The following MAGI3 variants were observed in gnomAD, a reference collection of about 807,000 sequenced individuals.
MAGI3 encodes membrane associated guanylate kinase, WW and PDZ domain containing 3, also known as membrane-associated guanylate kinase, WW and PDZ domain-containing protein 3.
In MAGI3, 43 loss-of-function variants were observed where a neutral mutation model predicts 121.8. That is an observed-to-expected ratio of 0.35 (90% CI 0.28 to 0.46). MAGI3 has a LOEUF of 0.46. Ranked by LOEUF, MAGI3 falls within the 20% of genes least tolerant of loss-of-function variation. The pLI is 1.00. For synonymous variants in MAGI3, 553 were observed against 639.3 expected, an observed-to-expected ratio of 0.86 and a Z score of 2.04; for missense variants, 1,547 against 1,797.3, an observed-to-expected ratio of 0.86 and a Z score of 2.52.
At position 113,590,557 on chromosome 1, in the gene MAGI3, C is replaced by T; in HGVS notation, c.837C>T (p.Ser279=). 6.2e-7 allele frequency: 1 copy of T among 1,613,750 alleles called. No individual in the cohort carries two copies. The highest frequency in any genetic ancestry group is 8.5e-7 in the Non-Finnish European group (1 of 1,179,712). The stretch of plus-strand genomic sequence containing the variant: ...CAAGTTACAACCAAACAAATAGCTC[C>T]ATGGACTTTAGAAATTATATGATGA... ...TVPSYNQTNS[S]MDFRNYMMRD... is the part of the protein sequence containing the mutation. Residue 279 remains serine, a synonymous_variant, in exon 5 of 21, where the codon TCC becomes TCT. Coordinates refer to ENST00000307546, the MANE Select transcript of MAGI3 (RefSeq NM_001142782.2).
In MAGI3 at chr1:113,683,224, G is replaced by T; in HGVS notation, c.3656G>T (p.Gly1219Val). The T allele has an allele frequency of 1.9e-6, 3 of 1,613,912 alleles. No individual in the cohort carries two copies. The highest frequency in any genetic ancestry group is 2.5e-6 in the Non-Finnish European group (3 of 1,179,888). Residue 1219 changes from glycine (G) to valine (V), a missense_variant, in exon 21 of 21, where the codon GGT becomes GTT. Coordinates refer to ENST00000307546, the MANE Select transcript of MAGI3 (RefSeq NM_001142782.2). ...LKVENGVTRR[G>V]RSVSPKKPAS... ...GTAGAAAATGGTGTTACACGAAGAG[G>T]TAGATCGGTTAGTCCCAAAAAGCCA...
In MAGI3 at chr1:113,535,667, T is replaced by C. The variant is rs150869936; in HGVS notation, c.317-13848T>C. Among the ~76,000 whole-genome samples the C allele has an allele frequency of 7.2e-4, 110 of 152,340 alleles. 2 individuals carry two copies. Among genetic ancestry groups the C allele is most frequent in the African/African-American group, 2.6e-3 (107 of 41,588 alleles). ...TTGCCATAATGCCTTTCAGAAACGT[T>C]GTGCAACTGTATGCCCTCATTAATA... On this transcript the variant is annotated intron_variant, in intron 1 of 20. Transcript: ENST00000307546.
At chr1:113,497,523 A>C (rs1656989785) in intron 1 of MAGI3, among the ~76,000 whole-genome samples, 1 of 31,510 alleles carries the variant, frequency 3.2e-5, no homozygotes. Flanking sequence ...GAAACGGCGC[A>C]CCACGAGACT....
Position 113,685,751 on chromosome 1 carries a change from C to CTGAT in MAGI3, c.*1739_*1742dup, listed in dbSNP as rs1648513746. The CTGAT allele has an allele frequency of 6.6e-6, 1 of 152,276 alleles. No homozygotes were observed. Among genetic ancestry groups the CTGAT allele is most frequent in the South Asian group, 2.1e-4 (1 of 4,828 alleles). The allele number at this position is 152,276 out of a possible 1,614,324, so 9.4% of individuals were successfully genotyped here. ...TGGTTCTTCCTAAGTAAACTCTGTA[C>CTGAT]TGATTATATACTGACTTAGCAATGT... On this transcript the variant is annotated 3_prime_UTR_variant, in exon 21 of 21. Transcript: ENST00000307546.
chr1:113,654,080 G>T, intron 15 of MAGI3, 62 bp downstream of exon 15: 1 of 1,347,360 alleles, frequency 7.4e-7, no homozygotes, highest in South Asian at 1.5e-5. Flanking sequence ...GCTCCCACTG[G>T]AGTTTATGAA....
intron 1 of MAGI3, among the ~76,000 whole-genome samples, chr1:113,401,805 C>T (rs1323984342): frequency 1.5e-4 from 23 of 152,136 alleles, no homozygotes; most frequent in Non-Finnish European, 4.4e-5. Context: ...TTTAGCTAAG[C>T]TAGGTAAAAG....
In MAGI3 at chr1:113,649,311, G is replaced by C; in HGVS notation, c.2230G>C (p.Asp744His). The C allele has an allele frequency of 6.2e-7, 1 of 1,612,330 alleles. No homozygotes were observed. The highest frequency in any genetic ancestry group is 8.5e-7 in the Non-Finnish European group (1 of 1,179,004). The stretch of plus-strand genomic sequence containing the variant: ...GTTTGGCTTCAGGGTGCTAGGAGGA[G>C]ATGGACCTGACCAGTCTGTAAGTGT... ...SGFGFRVLGG[D>H]GPDQSIYIGA... Residue 744 changes from aspartate (D) to histidine (H), a missense_variant, in exon 13 of 21, where the codon GAT (aspartate) becomes CAT (histidine). Physicochemically the swap from Asp to His is moderately conservative, Grantham distance 81. Transcript: ENST00000307546.
At chr1:113,551,768 A>T (rs971752572) in intron 2 of MAGI3, among the ~76,000 whole-genome samples, 1 of 152,024 alleles carries the variant, frequency 6.6e-6, no homozygotes, top group Non-Finnish European at 1.5e-5. Context: ...AGCCTTTTGT[A>T]TGAAAAGCTT....
In MAGI3 at chr1:113,673,424, C is replaced by T. The variant is rs1176463439; in HGVS notation, c.3148C>T (p.Leu1050Phe). The change falls in exon 19 of 21, where the codon CTT (leucine) becomes TTT (phenylalanine). Residue 1050 changes from leucine (L) to phenylalanine (F), a missense_variant. Coordinates refer to ENST00000307546, the MANE Select transcript of MAGI3 (RefSeq NM_001142782.2). ...CAACATGGGGCTGTTCATCCTTCGT[C>T]TTGCTGAAGATGGTCCTGCCATCAA... The part of the protein sequence containing the change: ...EYNMGLFILR[L>F]AEDGPAIKDG... 11 of 1,612,920 alleles carry T rather than the reference C, an allele frequency of 6.8e-6. No homozygotes were observed. The highest frequency in any genetic ancestry group is 9.3e-6 in the Non-Finnish European group (11 of 1,179,940).
Position 113,450,551 on chromosome 1 carries a change from G to C in MAGI3, c.316+59202G>C, listed in dbSNP as rs1654426387. ...TGGTTACAATGAAGGAGGAAATTTT[G>C]GCGGTGGTAACTATGGTGGTGGTGG... is the stretch of plus-strand genomic sequence containing the variant. On this transcript the variant is annotated intron_variant, in intron 1 of 20. Transcript: ENST00000307546. 4.8e-6 allele frequency: 5 copies of C among 1,035,090 alleles called. No homozygotes were observed. The South Asian group carries it at 5.0e-5, about 10-fold the overall frequency. 64.1% of individuals were successfully genotyped at this position (1,035,090 alleles called of 1,614,324 possible).
At chr1:113,536,144 G>GTA (rs1658971958) in intron 1 of MAGI3, among the ~76,000 whole-genome samples, 1 of 145,494 alleles carries the variant, frequency 6.9e-6, no homozygotes, top group Non-Finnish European at 1.5e-5. Context: ...GAAGACATGT[G>GTA]TTTTTTTTTT....
intron 1 of MAGI3, among the ~76,000 whole-genome samples, chr1:113,411,545 CTATCGAG>C (rs1349404295): frequency 1.3e-5 from 2 of 151,936 alleles, no homozygotes; most frequent in East Asian, 3.9e-4. Flanking sequence ...TCCATTCTAA[CTATCGAG>C]TATCTAGAAA....
intron 3 of MAGI3, 106 bp downstream of exon 3, chr1:113,580,767 T>C: frequency 8.8e-7 from 1 of 1,133,372 alleles, no homozygotes; most frequent in Non-Finnish European, 1.2e-6. Flanking sequence ...AAAAACTTTT[T>C]TTCCTCTCTG....
chr1:113,656,334 G>C (rs1243450476), intron 15 of MAGI3, among the ~76,000 whole-genome samples: 2 of 152,152 alleles, frequency 1.3e-5, no homozygotes, highest in Non-Finnish European at 2.9e-5. Flanking sequence ...CAAACTGTAT[G>C]ACAGAGAAGG....
chr1:113,677,265 T>C (rs914656695), intron 19 of MAGI3, among the ~76,000 whole-genome samples: 2 of 152,224 alleles, frequency 1.3e-5, no homozygotes, highest in African/African-American at 4.8e-5. Flanking sequence ...AAATATTAAG[T>C]GTTTGCTGTC....
At chr1:113,671,874 T>C (rs1557885108) in intron 17 of MAGI3, 38 bp downstream of exon 17, 1 of 1,563,570 alleles carries the variant, frequency 6.4e-7, no homozygotes, top group East Asian at 2.2e-5. Context: ...TGTTTTTTTC[T>C]TATTCTCTCC....
At chr1:113,633,728 T>G (rs1651815861) in intron 9 of MAGI3, among the ~76,000 whole-genome samples, 1 of 152,220 alleles carries the variant, frequency 6.6e-6, no homozygotes, top group Non-Finnish European at 1.5e-5. Flanking sequence ...CAGCATGATC[T>G]ATAGTCCTTT....
chr1:113,663,084 G>A (rs1005460484), intron 16 of MAGI3, among the ~76,000 whole-genome samples: 5 of 152,034 alleles, frequency 3.3e-5, no homozygotes, highest in African/African-American at 1.2e-4. Context: ...AATTAGCCAG[G>A]CGTGATGGCA....
intron 1 of MAGI3, among the ~76,000 whole-genome samples, chr1:113,463,329 AG>A (rs555301564): frequency 4.4e-4 from 66 of 151,358 alleles, no homozygotes; most frequent in Non-Finnish European, 8.4e-4. Context: ...GAAAGAGAAG[AG>A]GGCCAAGAAT....
Sources: allele counts gnomAD v4.1 joint callset (sites outside exome capture counted in the v4.1 genomes callset), GRCh38; gene constraint gnomAD v4.1.1; transcripts MANE v1.5; gene names NCBI Gene and HGNC (gene_info 2026-07-23, HGNC 2026-07-21).